Variants in TMEM131L observed in about 807,000 individuals in gnomAD.
TMEM131L encodes transmembrane protein 131-like.
TMEM131L carries 54 observed loss-of-function variants against 192.2 expected under a neutral mutation model. The observed-to-expected ratio is 0.28, with a 90% confidence interval of 0.23 to 0.35. The LOEUF (loss-of-function observed/expected upper bound fraction) is 0.35. Among genes scored for constraint, TMEM131L ranks in the 10% least tolerant of loss-of-function variants. The pLI, the probability that TMEM131L is intolerant of heterozygous loss-of-function variation, is 1.00. For missense variants in TMEM131L, 1,888 were observed against 1,972.9 expected, an observed-to-expected ratio of 0.96 and a Z score of 0.82; for synonymous variants, 701 against 704.9, an observed-to-expected ratio of 0.99 and a Z score of 0.09.
chr4:153,606,097 A>G (rs983794641), intron 25 of TMEM131L, among the ~76,000 whole-genome samples: 1 of 152,134 alleles, frequency 6.6e-6, no homozygotes, highest in African/African-American at 2.4e-5. Flanking sequence ...AAACCATGGC[A>G]TACCTTGTCT....
chr4:153,539,102 T>C (rs1269689021), intron 3 of TMEM131L, among the ~76,000 whole-genome samples: 4 of 152,206 alleles, frequency 2.6e-5, no homozygotes, highest in Non-Finnish European at 5.9e-5. Context: ...AGTGAGATCT[T>C]TACCATTATT....
intron 3 of TMEM131L, among the ~76,000 whole-genome samples, chr4:153,489,841 A>G (rs1055742074): frequency 6.6e-6 from 1 of 152,124 alleles, no homozygotes; most frequent in South Asian, 2.1e-4. Context: ...AGGCAAAACC[A>G]TGAAATCAAA....
At chr4:153,631,596 G>A (rs373340608) in intron 31 of TMEM131L, among the ~76,000 whole-genome samples, 3 of 152,194 alleles carry the variant, frequency 2.0e-5, no homozygotes, top group Admixed American at 1.3e-4. Context: ...TATATGTTCC[G>A]AGGCTTTTGC....
At chr4:153,568,230 C>T (rs1455647396) in intron 7 of TMEM131L, among the ~76,000 whole-genome samples, 2 of 152,074 alleles carry the variant, frequency 1.3e-5, no homozygotes, top group African/African-American at 4.8e-5. Context: ...AAAGGAGGGG[C>T]GCGTCATGAA....
chr4:153,545,107 C>T (rs1561177653), intron 3 of TMEM131L, among the ~76,000 whole-genome samples: 1 of 152,208 alleles, frequency 6.6e-6, no homozygotes, highest in East Asian at 1.9e-4. Flanking sequence ...TTTTCCTAGG[C>T]ATAAGAAATC....
At chr4:153,569,479 C>G (rs922102561) in intron 7 of TMEM131L, among the ~76,000 whole-genome samples, 2 of 152,234 alleles carry the variant, frequency 1.3e-5, no homozygotes, top group African/African-American at 4.8e-5. Flanking sequence ...AAATTCTTTT[C>G]AACTGCAATA....
intron 34 of TMEM131L, among the ~76,000 whole-genome samples, chr4:153,635,926 T>G (rs1734537805): frequency 1.3e-5 from 2 of 152,082 alleles, no homozygotes; most frequent in South Asian, 4.2e-4. Context: ...CGATACGAGA[T>G]GAAAGTCCCA....
chr4:153,484,676 C>T (rs1318551801), intron 3 of TMEM131L, among the ~76,000 whole-genome samples: 1 of 148,362 alleles, frequency 6.7e-6, no homozygotes, highest in African/African-American at 2.5e-5. Context: ...CACCATGTTA[C>T]TCAGGATGGT....
chr4:153,607,633 G>A (rs973407062), intron 25 of TMEM131L, among the ~76,000 whole-genome samples: 4 of 152,140 alleles, frequency 2.6e-5, no homozygotes, highest in Admixed American at 1.3e-4. Flanking sequence ...GGACAGTCCC[G>A]CCTCTTAAGA....
At chr4:153,484,963 C>A (rs1732216203) in intron 3 of TMEM131L, among the ~76,000 whole-genome samples, 1 of 148,294 alleles carries the variant, frequency 6.7e-6, no homozygotes, top group South Asian at 2.1e-4. Context: ...ACTAAAAATA[C>A]AAAAAATTAG....
rs199606904 is a variant in TMEM131L at position 153,621,751 on chromosome 4, T to G, written c.3761T>G (p.Ile1254Ser). The change falls in exon 28 of 35, where the codon ATC becomes AGC. Residue 1254 changes from isoleucine (I) to serine (S), a missense_variant. Physicochemically the swap from Ile to Ser is moderately radical, Grantham distance 142 (BLOSUM62 -2). Coordinates refer to ENST00000409959, the MANE Select transcript of TMEM131L (RefSeq NM_001131007.2). ...DFERSELSSD[I>S]NVRSWCIQES... ...GAGAGGTCTGAGCTGAGCAGTGACA[T>G]CAATGTAAGAAGCTGGTGTATACAG... The G allele has an allele frequency of 1.4e-5, 23 of 1,614,000 alleles. No individual in the cohort carries two copies. The highest frequency in any genetic ancestry group is 1.9e-5 in the Non-Finnish European group (22 of 1,180,020).
chr4:153,563,700 T>C (rs1431723359), intron 7 of TMEM131L, among the ~76,000 whole-genome samples: 1 of 152,010 alleles, frequency 6.6e-6, no homozygotes, highest in Non-Finnish European at 1.5e-5. Context: ...ACTCTTGGAC[T>C]CATTGATCCA....
intron 7 of TMEM131L, 35 bp from the exon 8 acceptor site, chr4:153,580,791 C>CT (rs1484005705): frequency 3.0e-6 from 4 of 1,330,498 alleles, no homozygotes; most frequent in Non-Finnish European, 3.2e-6. Context: ...GAGCCTTTTA[C>CT]TTAAAGTTCT....
chr4:153,580,791 C>G (rs771913533), intron 7 of TMEM131L, 35 bp from the exon 8 acceptor site: 2 of 1,330,616 alleles, frequency 1.5e-6, no homozygotes, highest in Non-Finnish European at 2.2e-6. Flanking sequence ...GAGCCTTTTA[C>G]TTAAAGTTCT....
At chr4:153,582,314 G>A (rs1449256274) in intron 9 of TMEM131L, among the ~76,000 whole-genome samples, 2 of 151,534 alleles carry the variant, frequency 1.3e-5, no homozygotes, top group Non-Finnish European at 2.9e-5. Flanking sequence ...ATGTGATCTC[G>A]GCTCACTGCA....
At chr4:153,594,875 A>G (rs1014284939) in intron 19 of TMEM131L, among the ~76,000 whole-genome samples, 6 of 152,134 alleles carry the variant, frequency 3.9e-5, no homozygotes, top group African/African-American at 1.4e-4. Context: ...GAGGTCTTCA[A>G]GGCTATTCAG....
rs59852943 is a variant in TMEM131L at position 153,545,290 on chromosome 4, C to CTTTTTTTTTTTTTTTT, written c.240-4768_240-4767insTTTTTTTTTTTTTTTT. 7.3e-4 allele frequency among the ~76,000 whole-genome samples: 96 copies of CTTTTTTTTTTTTTTTT among 132,310 alleles called. 2 individuals carry two copies. Among genetic ancestry groups the CTTTTTTTTTTTTTTTT allele is most frequent in the African/African-American group, 2.4e-3 (82 of 33,520 alleles). The allele number at this position is 132,310 out of a possible 152,430, so 86.8% of individuals were successfully genotyped here. A position where few individuals can be genotyped will look rare whatever the true frequency, so the allele number is the denominator to read the frequency against. ...CTCTTGTATCAGCCACTTTTTCAAA[C>CTTTTTTTTTTTTTTTT]TTTTTTTTTTTTTTTGAGATGGAGT... On this transcript the variant is annotated intron_variant, in intron 3 of 34. Transcript: ENST00000409959.
At chr4:153,602,097 T>G in intron 21 of TMEM131L, 55 bp from the exon 22 acceptor site, 1 of 1,060,236 alleles carries the variant, frequency 9.4e-7, no homozygotes, top group Non-Finnish European at 1.3e-6. Flanking sequence ...ATAAATTATT[T>G]TAAATAAATT....
chr4:153,505,204 T>A, intron 3 of TMEM131L, among the ~76,000 whole-genome samples: 1 of 151,870 alleles, frequency 6.6e-6, no homozygotes, highest in East Asian at 1.9e-4. Context: ...CCTTCCGGGT[T>A]CAAGTGATTC....
Sources: gnomAD v4.1 joint callset for allele counts (sites outside exome capture counted in the v4.1 genomes callset) on GRCh38, gnomAD v4.1.1 for gene constraint, MANE v1.5 for transcripts, NCBI Gene and HGNC (gene_info 2026-07-23, HGNC 2026-07-21) for gene names.